Variants in LAMA5 observed in about 807,000 individuals in gnomAD.
LAMA5 encodes the protein laminin subunit alpha 5, also known as laminin subunit alpha-5.
A neutral mutation model predicts 433.4 loss-of-function variants in LAMA5; 260 were observed. That is an observed-to-expected ratio of 0.60 (90% CI 0.54 to 0.66). The LOEUF (loss-of-function observed/expected upper bound fraction) is 0.66. LAMA5 is among the 30% of genes least tolerant of loss of function. LAMA5 has a pLI of 0.00. For missense variants in LAMA5, 5,378 were observed against 5,258.5 expected, an observed-to-expected ratio of 1.02 and a Z score of -0.70; for synonymous variants, 2,620 against 2,226.6, an observed-to-expected ratio of 1.18 and a Z score of -4.97.
At chr20:62,334,984 C>G (rs1373890342) in intron 20 of LAMA5, 37 bp downstream of exon 20, 1 of 1,585,580 alleles carries the variant, frequency 6.3e-7, no homozygotes. Flanking sequence ...CGAGGGGAGG[C>G]AGGGCTGTGG....
At position 62,331,077 on chromosome 20, in the gene LAMA5, G is replaced by A. The variant is rs1381792572; in HGVS notation, c.3605C>T (p.Pro1202Leu). 1.4e-5 allele frequency: 23 copies of A among 1,604,784 alleles called. No individual in the cohort carries two copies. The highest frequency in any genetic ancestry group is 1.9e-5 in the Non-Finnish European group (22 of 1,175,892). Residue 1202 changes from proline to leucine, a missense_variant, in exon 29 of 80, where the codon CCC becomes CTC. By Grantham distance (98) the Pro-to-Leu change is moderately conservative. Coordinates refer to ENST00000252999, the MANE Select transcript of LAMA5 (RefSeq NM_005560.6). ...IEEFSPEFVE[P>L]RVSCISSHGA... ...GTGGCTGCTGATGCAGCTGACCCGG[G>A]GCTCCACGAACTCCGGGCTGAACTC...
In LAMA5 at chr20:62,315,961, A is replaced by G. The variant is rs1319888793; in HGVS notation, c.7854T>C (p.Leu2618=). The G allele has an allele frequency of 6.2e-7, 1 of 1,602,646 alleles. No homozygotes were observed. Among genetic ancestry groups the G allele is most frequent in the Admixed American group, 1.7e-5 (1 of 59,434 alleles). Residue 2618 remains leucine (L), a synonymous_variant, in exon 58 of 80, where the codon CTT becomes CTC. Coordinates refer to ENST00000252999, the MANE Select transcript of LAMA5 (RefSeq NM_005560.6). ...EAHIQAAQAM[L]AMDTDETSKK... ...GGCTCCGCATACCTGTGTCCATGGCAAGCATGGCCTGCGCCGCCTGGATGT... is the reference window on the plus strand; with the variant it reads ...GGCTCCGCATACCTGTGTCCATGGCGAGCATGGCCTGCGCCGCCTGGATGT...
Position 62,309,764 on chromosome 20 carries a change from C to T in LAMA5, c.10900G>A (p.Ala3634Thr). ...GGGGCTGGGGCACCAGCTGCAGCCG[C>T]CAGCAAGGGGCCCACGGTGTGGTTG... ...QSNHTVGPLL[A>T]AAAGAPAPLY... is the part of the protein sequence containing the mutation. Residue 3634 changes from alanine to threonine, a missense_variant, in exon 79 of 80, where the codon GCG (alanine) becomes ACG (threonine). Coordinates refer to ENST00000252999, the MANE Select transcript of LAMA5 (RefSeq NM_005560.6). The T allele has an allele frequency of 6.2e-7, 1 of 1,605,496 alleles. No homozygotes were observed. Among genetic ancestry groups the T allele is most frequent in the Non-Finnish European group, 8.5e-7 (1 of 1,177,826 alleles).
Position 62,310,432 on chromosome 20 carries a change from TCCCCCG to T in LAMA5, c.10581_10586del (p.Ser3527_Gly3529delinsArg), listed in dbSNP as rs768983186. The T allele has an allele frequency of 3.1e-5, 50 of 1,601,954 alleles. 1 individual carries two copies. In the South Asian group the frequency reaches 5.5e-4, roughly 18 times the overall value. On this transcript the variant is annotated inframe_deletion, in exon 76 of 80. Coordinates refer to ENST00000252999, the MANE Select transcript of LAMA5 (RefSeq NM_005560.6). ...GCACCCACAGACCTAAAGTGATAAC[TCCCCCG>T]CTGCCTGGGAAGAACAGGCCCGCCT... is the stretch of plus-strand genomic sequence containing the variant.
Position 62,326,967 on chromosome 20 carries a change from C to T in LAMA5, c.5113-1G>A. On this transcript the variant is annotated splice_acceptor_variant, in intron 38 of 79. Coordinates refer to ENST00000252999, the MANE Select transcript of LAMA5 (RefSeq NM_005560.6). LOFTEE classifies it high-confidence loss of function. ...GGAGGGTCCCACCGTAGGATGACACCTGGAGGCAGGACAGACAGAGGTGAC... is the reference window on the plus strand; with the variant it reads ...GGAGGGTCCCACCGTAGGATGACACTTGGAGGCAGGACAGACAGAGGTGAC... The T allele has an allele frequency of 6.3e-7, 1 of 1,599,330 alleles. No individual in the cohort carries two copies. Among genetic ancestry groups the T allele is most frequent in the Non-Finnish European group, 8.5e-7 (1 of 1,169,800 alleles).
rs1204583911 is a variant in LAMA5 at position 62,309,403 on chromosome 20, G to C, written c.11021C>G (p.Pro3674Arg). ...CMRRLAVNRSPVAMTRSVEVH... is the reference protein window; with the variant it reads ...CMRRLAVNRSRVAMTRSVEVH... ...CTCCACAGAGCGAGTCATGGCGACG[G>C]GGGACCGGTTCACCGCCAGCCTCCT... is the stretch of plus-strand genomic sequence containing the variant. Residue 3674 changes from proline to arginine, a missense_variant, in exon 80 of 80, where the codon CCC becomes CGC. Physicochemically the swap from Pro to Arg is moderately radical, Grantham distance 103 (BLOSUM62 -2). Coordinates refer to ENST00000252999, the MANE Select transcript of LAMA5 (RefSeq NM_005560.6). The C allele has an allele frequency of 6.3e-7, 1 of 1,587,620 alleles. No homozygotes were observed. The highest frequency in any genetic ancestry group is 8.5e-7 in the Non-Finnish European group (1 of 1,175,490).
rs1486252812 is a variant in LAMA5 at position 62,333,245 on chromosome 20, T to TG, written c.3129-3dup. On this transcript the variant is annotated splice_region_variant and splice_polypyrimidine_tract_variant and intron_variant, in intron 25 of 79. Transcript: ENST00000252999. ...GGGAGGTGTGTGTAGAGGAGGCAGC[T>TG]GGGGGGACACAGGCCGTGGTCAGCC... The TG allele has an allele frequency of 2.6e-6, 4 of 1,550,180 alleles. No homozygotes were observed. The highest frequency in any genetic ancestry group is 3.5e-6 in the Non-Finnish European group (4 of 1,145,606).
chr20:62,323,401 C>A, intron 45 of LAMA5, 55 bp downstream of exon 45: 1 of 1,392,724 alleles, frequency 7.2e-7, no homozygotes. Context: ...CAGCAGGCCT[C>A]CCTCCTCCCC....
rs1987364193 is a variant in LAMA5 at position 62,319,017 on chromosome 20, T to C, written c.6872-4A>G. On this transcript the variant is annotated splice_region_variant and splice_polypyrimidine_tract_variant and intron_variant, in intron 51 of 79. Transcript: ENST00000252999. ...TGGCCCGTCTGGGACATGAGCTCTG[T>C]GGGGCAGGGGTTCGTCAGAGCCTGG... is the stretch of plus-strand genomic sequence containing the variant. 2 of 1,568,676 alleles carry C rather than the reference T, an allele frequency of 1.3e-6. No homozygotes were observed. Among genetic ancestry groups the C allele is most frequent in the Non-Finnish European group, 1.7e-6 (2 of 1,159,488 alleles).
At position 62,332,643 on chromosome 20, in the gene LAMA5, ATCC is replaced by A. The variant is rs1475949609; in HGVS notation, c.3354_3356del (p.Glu1118del). The A allele has an allele frequency of 6.2e-7, 1 of 1,607,938 alleles. No individual in the cohort carries two copies. Among genetic ancestry groups the A allele is most frequent in the East Asian group, 2.2e-5 (1 of 44,786 alleles). On this transcript the variant is annotated inframe_deletion, in exon 27 of 80. Transcript: ENST00000252999. ...CGGCCACGCCCACCTCCTGGCGGGC[ATCC>A]TCATTGGCGTACTCCACCACTAGGG...
intron 58 of LAMA5, 26 bp downstream of exon 58, chr20:62,315,922 G>A (rs372465855): frequency 1.8e-5 from 28 of 1,527,324 alleles, no homozygotes; most frequent in African/African-American, 1.1e-4. Context: ...GGCCGGCTGC[G>A]AGAGCCGGGC....
At chr20:62,315,640 T>C (rs1257584438) in intron 58 of LAMA5, among the ~76,000 whole-genome samples, 1 of 152,184 alleles carries the variant, frequency 6.6e-6, no homozygotes, top group Non-Finnish European at 1.5e-5. Flanking sequence ...CTGACCACTG[T>C]GCCCTCCTGG....
At chr20:62,364,164 C>T (rs1986464031) in intron 1 of LAMA5, among the ~76,000 whole-genome samples, 1 of 152,226 alleles carries the variant, frequency 6.6e-6, no homozygotes, top group Non-Finnish European at 1.5e-5. Context: ...GCCACGACCC[C>T]TACCCGCAGG....
chr20:62,310,772 A>G lies in LAMA5; in HGVS notation c.10339T>C (p.Trp3447Arg). The change falls in exon 75 of 80, where the codon TGG becomes CGG. Residue 3447 changes from tryptophan to arginine, a missense_variant. By Grantham distance (101) the Trp-to-Arg change is moderately radical. Transcript: ENST00000252999. ...ILLVTDGARA[W>R]SQEGPHRQHQ... is the part of the protein sequence containing the mutation. ...TGCCGGTGCGGCCCCTCCTGGCTCC[A>G]GGCCCGGGCCCCGTCCGTCACCAGC... 1 of 1,557,048 alleles carries G rather than the reference A, an allele frequency of 6.4e-7. No individual in the cohort carries two copies. Among genetic ancestry groups the G allele is most frequent in the Non-Finnish European group, 8.7e-7 (1 of 1,152,658 alleles).
At chr20:62,355,054 G>T (rs1436220542) in intron 2 of LAMA5, among the ~76,000 whole-genome samples, 1 of 152,222 alleles carries the variant, frequency 6.6e-6, no homozygotes, top group East Asian at 1.9e-4. Context: ...CAGGGTCCAC[G>T]ATGGAGACCT....
chr20:62,312,285 C>T lies in LAMA5; in HGVS notation c.9392G>A (p.Gly3131Asp), dbSNP rs148620501. The change falls in exon 69 of 80, where the codon GGC (glycine) becomes GAC (aspartate). Residue 3131 changes from glycine to aspartate, a missense_variant. By Grantham distance (94) the Gly-to-Asp change is moderately conservative. Transcript: ENST00000252999. ...VGRAMTFHGH[G>D]FLRLALSNVA... ...GTTCGAGAGCGCCAGGCGAAGGAAG[C>T]CGTGGCCATGGAAAGTCATGGCGCG... The T allele has an allele frequency of 9.9e-6, 16 of 1,611,164 alleles. No individual in the cohort carries two copies. Among genetic ancestry groups the T allele is most frequent in the Non-Finnish European group, 1.3e-5 (15 of 1,179,518 alleles).
chr20:62,319,916 A>G (rs1424494767), intron 50 of LAMA5, 121 bp from the exon 51 acceptor site: 1 of 611,532 alleles, frequency 1.6e-6, no homozygotes, highest in Non-Finnish European at 2.9e-6. Context: ...TTATCTATTT[A>G]ACTCTCTTAT....
rs1479773660 is a variant in LAMA5 at position 62,330,952 on chromosome 20, G to T, written c.3651-8C>A. On this transcript the variant is annotated splice_region_variant and splice_polypyrimidine_tract_variant and intron_variant, in intron 29 of 79. Transcript: ENST00000252999. ...GAGGGCAGACAGGCGGCACTGGTGA[G>T]AGCACAGTGGGTGAGTCAGAGCCGG... 5.1e-6 allele frequency: 8 copies of T among 1,554,600 alleles called. No individual in the cohort carries two copies. Among genetic ancestry groups the T allele is most frequent in the Non-Finnish European group, 7.0e-6 (8 of 1,149,428 alleles).
In LAMA5 at chr20:62,318,992, T is replaced by C. The variant is rs777912642; in HGVS notation, c.6893A>G (p.His2298Arg). ...TLSELMSQTG[H>R]LGLANASAPS... Reference sequence around the variant, plus strand: ...AGCCGAGGCATTGGCCAGCCCCAGGTGGCCCGTCTGGGACATGAGCTCTGT... The same window carrying C: ...AGCCGAGGCATTGGCCAGCCCCAGGCGGCCCGTCTGGGACATGAGCTCTGT... The change falls in exon 52 of 80, where the codon CAC (histidine) becomes CGC (arginine). Residue 2298 changes from histidine to arginine, a missense_variant. Transcript: ENST00000252999. The C allele has an allele frequency of 1.5e-5, 24 of 1,588,354 alleles. No individual in the cohort carries two copies. Among genetic ancestry groups the C allele is most frequent in the Non-Finnish European group, 1.9e-5 (22 of 1,169,806 alleles).
Sources: allele counts gnomAD v4.1 joint callset (sites outside exome capture counted in the v4.1 genomes callset), GRCh38; gene constraint gnomAD v4.1.1; transcripts MANE v1.5; gene names NCBI Gene and HGNC (gene_info 2026-07-23, HGNC 2026-07-21).